NRG3: variants seen among roughly 807,000 people sequenced by gnomAD.
NRG3 encodes pro-neuregulin-3, membrane-bound isoform.
A neutral mutation model predicts 66.9 loss-of-function variants in NRG3; 31 were observed. The ratio of observed to expected loss-of-function variants is 0.46; its 90% CI spans 0.35 to 0.63. The LOEUF is 0.63. Among genes scored for constraint, NRG3 ranks in the 20% least tolerant of loss-of-function variants. NRG3 has a pLI of 0.00. For missense variants in NRG3, 910 were observed against 878.9 expected (o/e 1.04, Z -0.45); for synonymous variants, 393 against 359.4 (o/e 1.09, Z -1.06).
At chr10:82,558,537 A>G (rs1308076318) in intron 2 of NRG3, among the ~76,000 whole-genome samples, 1 of 152,150 alleles carries the variant, frequency 6.6e-6, no homozygotes, top group Non-Finnish European at 1.5e-5. Context: ...GCTGGAACTG[A>G]GGGGGTTCCT....
intron 1 of NRG3, among the ~76,000 whole-genome samples, chr10:82,284,369 A>G (rs2079293648): frequency 6.6e-6 from 1 of 152,210 alleles, no homozygotes; most frequent in Non-Finnish European, 1.5e-5. Context: ...GGTCTATATC[A>G]AAAGCTATAG....
chr10:82,036,434 G>T (rs1490815827), intron 1 of NRG3, among the ~76,000 whole-genome samples: 1 of 152,120 alleles, frequency 6.6e-6, no homozygotes, highest in Non-Finnish European at 1.5e-5. Context: ...TTTCACAGAT[G>T]AAGAAACCAG....
chr10:82,943,608 C>T (rs567927044), intron 4 of NRG3, among the ~76,000 whole-genome samples: 62 of 152,360 alleles, frequency 4.1e-4, no homozygotes, highest in Non-Finnish European at 7.8e-4. Context: ...CATTTTCTCT[C>T]ATTTTGTTCT....
chr10:82,654,968 C>T (rs185250150), intron 2 of NRG3, among the ~76,000 whole-genome samples: 13 of 152,000 alleles, frequency 8.6e-5, no homozygotes, highest in Non-Finnish European at 1.2e-4. Context: ...TTTATATTGA[C>T]TCTGAAAGCA....
intron 1 of NRG3, chr10:82,232,262 A>C (rs750796713): frequency 1.9e-5 from 3 of 154,040 alleles, no homozygotes; most frequent in Middle Eastern, 6.8e-3. Flanking sequence ...AGCTAAAAGG[A>C]TCTTGTAAAA....
At chr10:82,858,941 A>C (rs1275234220) in intron 3 of NRG3, among the ~76,000 whole-genome samples, 2 of 126,390 alleles carry the variant, frequency 1.6e-5, no homozygotes, top group Non-Finnish European at 1.7e-5. Flanking sequence ...CAGTAGTCTA[A>C]CTTTTTTTTT....
intron 4 of NRG3, among the ~76,000 whole-genome samples, chr10:82,921,623 AAT>A (rs1846430345): frequency 6.6e-6 from 1 of 152,188 alleles, no homozygotes; most frequent in Non-Finnish European, 1.5e-5. Context: ...CTACAAATAG[AAT>A]AAAGAGAAAA....
Position 82,491,858 on chromosome 10 carries a change from T to C in NRG3, c.953+132990T>C, listed in dbSNP as rs567074833. On this transcript the variant is annotated intron_variant, in intron 2 of 8. Transcript: ENST00000372141. ...GACCCTTCCTCTTTTCCTTAAATGT[T>C]GTCATATGCCTATCTGTGCTCTTTC... 5.9e-5 allele frequency among the ~76,000 whole-genome samples: 9 copies of C among 152,356 alleles called. No individual in the cohort carries two copies. The South Asian group carries it at 1.9e-3, about 32-fold the overall frequency.
At chr10:82,373,668 A>G (rs2085035580) in intron 2 of NRG3, among the ~76,000 whole-genome samples, 1 of 152,240 alleles carries the variant, frequency 6.6e-6, no homozygotes, top group African/African-American at 2.4e-5. Context: ...ATTGGCAGAA[A>G]AGATGAGCTG....
At chr10:81,983,305 G>A (rs77484358) in intron 1 of NRG3, among the ~76,000 whole-genome samples, 2 of 152,212 alleles carry the variant, frequency 1.3e-5, no homozygotes, top group African/African-American at 2.4e-5. Context: ...GGAATGCACA[G>A]CAATTGCTCC....
intron 1 of NRG3, among the ~76,000 whole-genome samples, chr10:82,259,991 T>C (rs2077939274): frequency 6.6e-6 from 1 of 151,860 alleles, no homozygotes; most frequent in Non-Finnish European, 1.5e-5. Context: ...AATAAATAAA[T>C]GTTATTCAGG....
chr10:82,837,250 T>G (rs494701), intron 3 of NRG3, among the ~76,000 whole-genome samples: 3 of 151,934 alleles, frequency 2.0e-5, no homozygotes, highest in Admixed American at 2.0e-4. Context: ...TCCTTTGGGT[T>G]TATACCCAGT....
chr10:82,353,633 G>A (rs1372401827), intron 1 of NRG3, among the ~76,000 whole-genome samples: 1 of 152,140 alleles, frequency 6.6e-6, no homozygotes, highest in Non-Finnish European at 1.5e-5. Context: ...TGTAACAAGT[G>A]CCAGATGAGT....
intron 1 of NRG3, among the ~76,000 whole-genome samples, chr10:81,912,359 C>T (rs543748335): frequency 6.6e-6 from 1 of 152,094 alleles, no homozygotes; most frequent in East Asian, 1.9e-4. Context: ...GTAGCTGGGA[C>T]CACAGGTGTG....
chr10:81,875,403 C>G lies in NRG3; in HGVS notation c.63C>G (p.Ala21=), dbSNP rs931771945. The G allele has an allele frequency of 6.9e-6, 7 of 1,013,028 alleles. No homozygotes were observed. The African/African-American group carries it at 7.0e-5, about 10-fold the overall frequency. 62.8% of individuals were successfully genotyped at this position (1,013,028 alleles called of 1,614,324 possible). ...CCGCTTCGGCAGCCGCCGCCTCGGC[C>G]GAGGAGGGCACCGCGGCGGCTGCGG... ...PGAASAAAAS[A]EEGTAAAAAA... is the part of the protein sequence containing the mutation. The change falls in exon 1 of 9, where the codon GCC becomes GCG. Residue 21 remains alanine (A), a synonymous_variant. Coordinates refer to ENST00000372141, the MANE Select transcript of NRG3 (RefSeq NM_001010848.4). This position sits in a 1 kb window ranked among gnomAD's most constrained non-coding sequence, Gnocchi z 5.3.
chr10:82,255,778 A>G (rs1332825307), intron 1 of NRG3, among the ~76,000 whole-genome samples: 1 of 150,892 alleles, frequency 6.6e-6, no homozygotes, highest in East Asian at 2.0e-4. Context: ...TAATTTTTGT[A>G]TTTTTAGTAG....
At chr10:82,525,879 C>A (rs1846645595) in intron 2 of NRG3, among the ~76,000 whole-genome samples, 1 of 151,664 alleles carries the variant, frequency 6.6e-6, no homozygotes, top group Non-Finnish European at 1.5e-5. Context: ...TAAAAACTTA[C>A]AAAATACAAC....
chr10:82,938,449 C>T (rs10509462), intron 4 of NRG3, among the ~76,000 whole-genome samples: 13,698 of 152,292 alleles, frequency 0.09, 826 homozygotes, highest in African/African-American at 0.16. Context: ...TGACTCGAGA[C>T]AGCTCCTGAT....
At chr10:82,474,372 A>G (rs1483643918) in intron 2 of NRG3, among the ~76,000 whole-genome samples, 1 of 152,188 alleles carries the variant, frequency 6.6e-6, no homozygotes, top group African/African-American at 2.4e-5. Flanking sequence ...AAAATAAATC[A>G]GGAATATTAT....
Sources: gnomAD v4.1 joint callset for allele counts (sites outside exome capture counted in the v4.1 genomes callset) on GRCh38, gnomAD v4.1.1 for gene constraint, Gnocchi (gnomAD v3.1) non-coding constraint, MANE v1.5 for transcripts, NCBI Gene and HGNC (gene_info 2026-07-23, HGNC 2026-07-21) for gene names.